Variants in UBAP1 observed in about 807,000 individuals in gnomAD.
The protein encoded by UBAP1 is ubiquitin-associated protein 1.
A neutral mutation model predicts 39.0 loss-of-function variants in UBAP1; 5 were observed. The ratio of observed to expected loss-of-function variants is 0.13; its 90% confidence interval spans 0.07 to 0.27. The LOEUF is 0.27. Ranked by LOEUF, UBAP1 falls within the 10% of genes least tolerant of loss-of-function variation. UBAP1 has a pLI of 1.00. For missense variants in UBAP1, 490 were observed against 608.1 expected, an observed-to-expected ratio of 0.81 and a Z score of 2.04; for synonymous variants, 211 against 225.1, an observed-to-expected ratio of 0.94 and a Z score of 0.56.
intron 1 of UBAP1, among the ~76,000 whole-genome samples, chr9:34,211,457 C>T (rs1171461552): frequency 6.6e-6 from 1 of 152,082 alleles, no homozygotes; most frequent in Non-Finnish European, 1.5e-5. Flanking sequence ...TTACTGATTG[C>T]AGCTATTATT....
chr9:34,250,166 A>G (rs1318944768), intron 5 of UBAP1, among the ~76,000 whole-genome samples: 1 of 152,218 alleles, frequency 6.6e-6, no homozygotes. Context: ...GCTGAGAGAC[A>G]GCTTTGGGAG....
chr9:34,247,896 C>T (rs79606615), intron 4 of UBAP1, among the ~76,000 whole-genome samples: 134 of 152,264 alleles, frequency 8.8e-4, no homozygotes, highest in African/African-American at 3.0e-3. Context: ...ATTATTTCTT[C>T]AGACTAGTTT....
chr9:34,218,688 C>T (rs1270674323), intron 1 of UBAP1, among the ~76,000 whole-genome samples: 1 of 152,102 alleles, frequency 6.6e-6, no homozygotes, highest in Non-Finnish European at 1.5e-5. Flanking sequence ...AATTGCAGCA[C>T]TTTGGGAGGC....
rs140685745 is a variant in UBAP1, at chr9:34,205,228, G to A, written c.-7-15680G>A. ...GACAGGTTGTCACTATGTTGCTCAG[G>A]CTAGTCTTGAACTCCTGGGCTCAAG... is the stretch of plus-strand genomic sequence containing the variant. On this transcript the variant is annotated intron_variant, in intron 1 of 6. Transcript: ENST00000297661. Among the ~76,000 whole-genome samples the A allele has an allele frequency of 4.9e-3, 753 of 152,182 alleles. 3 individuals are homozygous for A. Among genetic ancestry groups the A allele is most frequent in the Admixed American group, 8.2e-3 (125 of 15,278 alleles).
chr9:34,246,313 G>A (rs1292342067), intron 4 of UBAP1, among the ~76,000 whole-genome samples: 2 of 152,186 alleles, frequency 1.3e-5, no homozygotes, highest in Non-Finnish European at 2.9e-5. Context: ...CAGTCCTTCT[G>A]CCTCAGCCTC....
At chr9:34,229,918 AC>A (rs1833319864) in intron 2 of UBAP1, among the ~76,000 whole-genome samples, 1 of 146,868 alleles carries the variant, frequency 6.8e-6, no homozygotes, top group Non-Finnish European at 1.5e-5. Context: ...CAGGTGATCC[AC>A]CCGCCTCTGC....
chr9:34,184,630 GAAA>G (rs560379399), intron 1 of UBAP1, among the ~76,000 whole-genome samples: 1 of 94,438 alleles, frequency 1.1e-5, no homozygotes, highest in Non-Finnish European at 2.2e-5. Context: ...GACTCCGTCT[GAAA>G]AAAAAAAAAA....
chr9:34,192,602 T>C (rs1830794275), intron 1 of UBAP1, among the ~76,000 whole-genome samples: 1 of 152,072 alleles, frequency 6.6e-6, no homozygotes. Context: ...GAACTCTTTT[T>C]TTATTTTTCA....
chr9:34,228,577 C>A (rs1356612782), intron 2 of UBAP1, among the ~76,000 whole-genome samples: 3 of 146,742 alleles, frequency 2.0e-5, no homozygotes, highest in Admixed American at 6.8e-5. Flanking sequence ...TTTCCCCCCC[C>A]CCCTTTTTTT....
At chr9:34,246,623 G>T (rs1045024038) in intron 4 of UBAP1, among the ~76,000 whole-genome samples, 3 of 152,226 alleles carry the variant, frequency 2.0e-5, no homozygotes, top group Non-Finnish European at 4.4e-5. Context: ...TGTGACTAAA[G>T]CTCTGTGGGA....
chr9:34,227,972 T>A (rs538308066), intron 2 of UBAP1, among the ~76,000 whole-genome samples: 1 of 151,442 alleles, frequency 6.6e-6, no homozygotes, highest in African/African-American at 2.4e-5. Flanking sequence ...ACAAAAAAAT[T>A]TAAAAAATTA....
At chr9:34,248,081 G>A (rs573357052) in intron 4 of UBAP1, among the ~76,000 whole-genome samples, 1 of 151,660 alleles carries the variant, frequency 6.6e-6, no homozygotes, top group Non-Finnish European at 1.5e-5. Flanking sequence ...TGTCACCCAG[G>A]CTGGAGTGCA....
At position 34,230,663 on chromosome 9, in the gene UBAP1, T is replaced by C. The variant is rs181290026; in HGVS notation, c.35-3553T>C. 1.8e-4 allele frequency among the ~76,000 whole-genome samples: 28 copies of C among 152,278 alleles called. 1 individual carries two copies. The highest frequency in any genetic ancestry group is 1.8e-3 in the Admixed American group (28 of 15,296). The stretch of plus-strand genomic sequence containing the variant: ...TAAGCATTTTATAAGTGCCATAGAG[T>C]TTAAGTGTTGTAATCAACACTTAGT... On this transcript the variant is annotated intron_variant, in intron 2 of 6. Transcript: ENST00000297661.
At chr9:34,194,777 A>G (rs990078634) in intron 1 of UBAP1, among the ~76,000 whole-genome samples, 4 of 152,176 alleles carry the variant, frequency 2.6e-5, no homozygotes, top group Non-Finnish European at 5.9e-5. Context: ...TAACTTTATG[A>G]GATAGTTACT....
At chr9:34,188,423 C>CTTTTT (rs34942688) in intron 1 of UBAP1, among the ~76,000 whole-genome samples, 1 of 117,210 alleles carries the variant, frequency 8.5e-6, no homozygotes, top group African/African-American at 3.2e-5. Context: ...TAGTCTTCAG[C>CTTTTT]TTTTTTTTTT....
At chr9:34,194,319 CT>C (rs562506841) in intron 1 of UBAP1, among the ~76,000 whole-genome samples, 237 of 143,558 alleles carry the variant, frequency 1.7e-3, no homozygotes, top group Non-Finnish European at 1.7e-3. Flanking sequence ...AATTCTCTCT[CT>C]TTTTTTTTTT....
chr9:34,245,729 C>A (rs1254261282), intron 4 of UBAP1, among the ~76,000 whole-genome samples: 1 of 100,620 alleles, frequency 9.9e-6, no homozygotes, highest in Admixed American at 1.1e-4. Context: ...CTTATCCCAA[C>A]AGTACCTGGT....
At chr9:34,235,661 T>C (rs1166025368) in intron 3 of UBAP1, among the ~76,000 whole-genome samples, 1 of 151,744 alleles carries the variant, frequency 6.6e-6, no homozygotes, top group Non-Finnish European at 1.5e-5. Context: ...TTTACAAATT[T>C]AGTATAGCCT....
chr9:34,191,302 A>T (rs567362194), intron 1 of UBAP1, among the ~76,000 whole-genome samples: 1 of 152,068 alleles, frequency 6.6e-6, no homozygotes, highest in Non-Finnish European at 1.5e-5. Flanking sequence ...GGGTCTTGCT[A>T]TGTTCCCTGG....
Sources: allele counts gnomAD v4.1 joint callset (sites outside exome capture counted in the v4.1 genomes callset), GRCh38; gene constraint gnomAD v4.1.1; transcripts MANE v1.5; gene names NCBI Gene and HGNC (gene_info 2026-07-23, HGNC 2026-07-21).